The following SMAD9 variants were observed in gnomAD, a reference collection of about 807,000 sequenced individuals.
SMAD9 encodes MAD homolog 9.
SMAD9 carries 36 observed loss-of-function variants against 46.1 expected under a neutral mutation model. The ratio of observed to expected loss-of-function variants is 0.78; its 90% CI spans 0.60 to 1.03. The LOEUF (loss-of-function observed/expected upper bound fraction) is 1.03. SMAD9 is among the 50% of genes least tolerant of loss of function. SMAD9 has a pLI of 0.00. For synonymous variants in SMAD9, 245 were observed against 237.1 expected (o/e 1.03, Z -0.31); for missense variants, 572 against 599.8 (o/e 0.95, Z 0.48).
At chr13:36,887,040 G>GCTTTTT (rs536606828) in intron 1 of SMAD9, among the ~76,000 whole-genome samples, 1 of 102,542 alleles carries the variant, frequency 9.8e-6, no homozygotes, top group African/African-American at 3.8e-5. Flanking sequence ...CTTTGAATGG[G>GCTTTTT]TTTTTTTTTT....
intron 6 of SMAD9, chr13:36,852,101 GA>G (rs1406426886): frequency 1.0e-6 from 1 of 975,730 alleles, no homozygotes; most frequent in African/African-American, 1.8e-5. Context: ...AAATTTGAAT[GA>G]AACTGCTTTG....
chr13:36,853,570 G>A lies in SMAD9; in HGVS notation c.1109C>T (p.Pro370Leu). 6.2e-7 allele frequency: 1 copy of A among 1,614,186 alleles called. No homozygotes were observed. Residue 370 changes from proline (P) to leucine (L), a missense_variant, in exon 6 of 7, where the codon CCA (proline) becomes CTA (leucine). Pro to Leu is a moderately conservative substitution (Grantham distance 98, BLOSUM62 -3). Transcript: ENST00000379826. Reference protein sequence around the residue: ...RNCNYQHGFHPATVCKIPSGC... With the variant: ...RNCNYQHGFHLATVCKIPSGC... ...GCTGGGGATCTTGCAGACGGTAGCT[G>A]GGTGGAAGCCGTGTTGATAGTTGCA...
chr13:36,861,967 G>A (rs959318010), intron 5 of SMAD9, among the ~76,000 whole-genome samples: 1 of 151,438 alleles, frequency 6.6e-6, no homozygotes, highest in Non-Finnish European at 1.5e-5. Flanking sequence ...GCCCATCACC[G>A]TCTAATTAAT....
chr13:36,915,112 T>C (rs1268348620), intron 1 of SMAD9, among the ~76,000 whole-genome samples: 3 of 152,242 alleles, frequency 2.0e-5, no homozygotes, highest in Non-Finnish European at 4.4e-5. Flanking sequence ...GATGTGCTCC[T>C]GGGGTCAGTG....
chr13:36,892,640 G>C (rs111845318), intron 1 of SMAD9, among the ~76,000 whole-genome samples: 7 of 152,116 alleles, frequency 4.6e-5, no homozygotes, highest in Non-Finnish European at 8.8e-5. Context: ...ACTACATCAG[G>C]AACGACGGAG....
chr13:36,910,132 G>A (rs1045365973), intron 1 of SMAD9, among the ~76,000 whole-genome samples: 3 of 151,926 alleles, frequency 2.0e-5, no homozygotes, highest in Non-Finnish European at 4.4e-5. Context: ...GGGAGGCAGA[G>A]CTTGCAGTGA....
chr13:36,915,462 T>C (rs1249512819), intron 1 of SMAD9, among the ~76,000 whole-genome samples: 3 of 151,822 alleles, frequency 2.0e-5, no homozygotes, highest in African/African-American at 7.2e-5. Flanking sequence ...AGATATTAAG[T>C]ATTAAATTTC....
intron 1 of SMAD9, among the ~76,000 whole-genome samples, chr13:36,886,916 G>C (rs960282416): frequency 6.6e-6 from 1 of 152,048 alleles, no homozygotes; most frequent in African/African-American, 2.4e-5. Flanking sequence ...GGCCAAGGAA[G>C]AGTGGGCAAG....
chr13:36,893,559 T>A (rs993408806), intron 1 of SMAD9, among the ~76,000 whole-genome samples: 12 of 151,326 alleles, frequency 7.9e-5, no homozygotes, highest in Non-Finnish European at 1.3e-4. Flanking sequence ...AGAGGATGAA[T>A]AAATGACGAA....
chr13:36,903,423 C>A (rs1384844975), intron 1 of SMAD9, among the ~76,000 whole-genome samples: 1 of 152,166 alleles, frequency 6.6e-6, no homozygotes, highest in Non-Finnish European at 1.5e-5. Flanking sequence ...CCACACCCGG[C>A]CTGGAGGGGC....
At chr13:36,908,119 G>T (rs2058633031) in intron 1 of SMAD9, among the ~76,000 whole-genome samples, 1 of 152,176 alleles carries the variant, frequency 6.6e-6, no homozygotes, top group African/African-American at 2.4e-5. Context: ...AGGGGGAGAA[G>T]AAAGTACTGT....
intron 3 of SMAD9, among the ~76,000 whole-genome samples, chr13:36,869,063 A>C (rs1168711271): frequency 6.6e-6 from 1 of 152,146 alleles, no homozygotes; most frequent in Admixed American, 6.6e-5. Flanking sequence ...GCAATAGGCA[A>C]ATTCAGAGAG....
intron 1 of SMAD9, among the ~76,000 whole-genome samples, chr13:36,881,528 C>T (rs968840403): frequency 7.2e-5 from 11 of 152,172 alleles, no homozygotes; most frequent in Admixed American, 6.6e-4. Flanking sequence ...GCAGCATGGT[C>T]CCACAATAAC....
intron 3 of SMAD9, among the ~76,000 whole-genome samples, chr13:36,868,088 G>T (rs1202918885): frequency 6.6e-6 from 1 of 152,190 alleles, no homozygotes; most frequent in African/African-American, 2.4e-5. Flanking sequence ...ATGCGTGGTG[G>T]AATACAACAG....
intron 3 of SMAD9, among the ~76,000 whole-genome samples, chr13:36,867,784 A>G (rs901969146): frequency 1.3e-5 from 2 of 152,122 alleles, no homozygotes; most frequent in African/African-American, 4.8e-5. Context: ...TGTTGTCACA[A>G]ATTGTACAAT....
chr13:36,854,379 T>G (rs1374396519), intron 5 of SMAD9, among the ~76,000 whole-genome samples: 1 of 152,090 alleles, frequency 6.6e-6, no homozygotes, highest in African/African-American at 2.4e-5. Flanking sequence ...TTTATTTTTT[T>G]TTTTTTGAGA....
At chr13:36,876,750 G>A (rs1048131362) in intron 2 of SMAD9, among the ~76,000 whole-genome samples, 3 of 152,012 alleles carry the variant, frequency 2.0e-5, no homozygotes, top group Non-Finnish European at 4.4e-5. Flanking sequence ...TAAAATGGAT[G>A]GCTAAAAAAT....
chr13:36,884,185 A>C (rs2058426545), intron 1 of SMAD9, among the ~76,000 whole-genome samples: 1 of 152,172 alleles, frequency 6.6e-6, no homozygotes, highest in Admixed American at 6.5e-5. Flanking sequence ...TCATCTACCA[A>C]CATGAACCAA....
At chr13:36,891,469 C>T (rs2058488615) in intron 1 of SMAD9, among the ~76,000 whole-genome samples, 1 of 152,154 alleles carries the variant, frequency 6.6e-6, no homozygotes, top group Non-Finnish European at 1.5e-5. Flanking sequence ...TCTGGCCTTA[C>T]TAAATGGTTT....
Sources: gnomAD v4.1 joint callset for allele counts (sites outside exome capture counted in the v4.1 genomes callset) on GRCh38, gnomAD v4.1.1 for gene constraint, MANE v1.5 for transcripts, NCBI Gene and HGNC (gene_info 2026-07-23, HGNC 2026-07-21) for gene names.